Variants in CEBPZOS observed in about 807,000 individuals in gnomAD.
CEBPZOS encodes protein CEBPZOS.
A neutral mutation model predicts 4.8 loss-of-function variants in CEBPZOS; 10 were observed. The observed-to-expected ratio is 2.07, with a 90% CI of 1.28 to 3.52. The LOEUF is 3.52. Among genes scored for constraint, CEBPZOS ranks in the 30% most tolerant of loss-of-function variants. The probability of loss-of-function intolerance (pLI) is 0.00; values close to 1 mark genes in which losing one functional copy is unlikely to be tolerated. For synonymous variants in CEBPZOS, 25 were observed against 14.2 expected, an observed-to-expected ratio of 1.77 and a Z score of -1.72; for missense variants, 98 against 43.6, an observed-to-expected ratio of 2.25 and a Z score of -3.51.
At position 37,203,326 on chromosome 2, in the gene CEBPZOS, A is replaced by G. The variant is rs1239879010; in HGVS notation, c.*1466A>G. On this transcript the variant is annotated 3_prime_UTR_variant, in exon 5 of 5. Transcript: ENST00000402297. Reference sequence around the variant, plus strand: ...GCAATAGTAAAATTATCAGTTTGACATGGATGGGTTTTGAAATACTTAAGA... The same window carrying G: ...GCAATAGTAAAATTATCAGTTTGACGTGGATGGGTTTTGAAATACTTAAGA... The G allele has an allele frequency of 5.6e-6, 1 of 177,220 alleles. No individual in the cohort carries two copies. The highest frequency in any genetic ancestry group is 2.4e-5 in the African/African-American group (1 of 42,518). The allele number at this position is 177,220 out of a possible 1,614,324, so 11.0% of individuals were successfully genotyped here.
At chr2:37,211,528 A>C (rs1458468957) in intron 4 of CEBPZOS, 1 of 283,720 alleles carries the variant, frequency 3.5e-6, no homozygotes, top group Non-Finnish European at 6.5e-6. Flanking sequence ...ATGAATACTG[A>C]TTAACTTTTA....
In CEBPZOS at chr2:37,202,758, T is replaced by C. The variant is rs767898148; in HGVS notation, c.*898T>C. 1 of 1,339,890 alleles carries C rather than the reference T, an allele frequency of 7.5e-7. No individual in the cohort carries two copies. The allele number at this position is 1,339,890 out of a possible 1,614,324, so 83.0% of individuals were successfully genotyped here. ...CCAAGCCAAAGCTATTTTTAAAACA[T>C]CAATAAAAAAATTTAAGTTACTTAC... On this transcript the variant is annotated 3_prime_UTR_variant, in exon 5 of 5. Coordinates refer to ENST00000402297, the MANE Select transcript of CEBPZOS (RefSeq NM_001322374.2).
chr2:37,212,062 A>G lies in CEBPZOS; in HGVS notation c.*3-1375A>G, dbSNP rs769440108. 2.6e-6 allele frequency: 4 copies of G among 1,558,434 alleles called. No individual in the cohort carries two copies. The South Asian group carries it at 5.0e-5, about 19-fold the overall frequency. ...TTTCTGGAAAAAAACACAACTTGTA[A>G]TACAAGAGGAGGCAGTATTTTCTAA... On this transcript the variant is annotated intron_variant, in intron 4 of 4. Transcript: ENST00000397064.
intron 3 of CEBPZOS, chr2:37,201,428 G>A (rs1677224535): frequency 1.9e-6 from 1 of 526,484 alleles, no homozygotes; most frequent in Non-Finnish European, 3.4e-6. Flanking sequence ...AGTAGATAAA[G>A]ACTGAACAAG....
Position 37,202,989 on chromosome 2 carries a change from T to A in CEBPZOS, c.*1129T>A. 6.4e-7 allele frequency: 1 copy of A among 1,553,526 alleles called. No individual in the cohort carries two copies. The highest frequency in any genetic ancestry group is 8.7e-7 in the Non-Finnish European group (1 of 1,153,658). ...CAAATAGGCTGGAATCATTTAAGTT[T>A]CTTTTCTTTTTTCTTGGCCCTAAAA... On this transcript the variant is annotated 3_prime_UTR_variant, in exon 5 of 5. Transcript: ENST00000402297.
chr2:37,212,507 C>T (rs1677754992), intron 4 of CEBPZOS: 2 of 848,650 alleles, frequency 2.4e-6, no homozygotes, highest in Non-Finnish European at 1.9e-6. Flanking sequence ...CAAGTGAACA[C>T]CAAAACAATG....
chr2:37,201,775 G>C (rs866594498), intron 4 of CEBPZOS, 49 bp downstream of exon 4: 1 of 1,420,574 alleles, frequency 7.0e-7, no homozygotes, highest in Non-Finnish European at 9.9e-7. Context: ...CATTTCCTTT[G>C]TTTTTTAGTT....
chr2:37,197,337 G>T (rs1455636584), intron 1 of CEBPZOS: 1 of 152,228 alleles, frequency 6.6e-6, no homozygotes, highest in Non-Finnish European at 1.5e-5. Flanking sequence ...AAACGTATAT[G>T]TATTTTTAAA....
At chr2:37,205,292 C>T (rs547984536), downstream of CEBPZOS, among the ~76,000 whole-genome samples, 1 of 152,140 alleles carries the variant, frequency 6.6e-6, no homozygotes, top group Non-Finnish European at 1.5e-5. Flanking sequence ...TCCAGATGGT[C>T]GGTTCCTGCC....
downstream of CEBPZOS, chr2:37,216,128 G>C (rs1283581741): frequency 6.3e-7 from 1 of 1,594,718 alleles, no homozygotes; most frequent in Non-Finnish European, 8.6e-7. Context: ...ACTGTCTAAG[G>C]TTTATACTTA....
At chr2:37,211,996 CT>C in intron 4 of CEBPZOS, 2 of 1,610,692 alleles carry the variant, frequency 1.2e-6, no homozygotes, top group Non-Finnish European at 1.7e-6. Flanking sequence ...GAATCTTCAT[CT>C]AATGTGTTAT....
downstream of CEBPZOS, among the ~76,000 whole-genome samples, chr2:37,206,492 G>C (rs1282437229): frequency 2.0e-5 from 3 of 152,166 alleles, no homozygotes; most frequent in Non-Finnish European, 4.4e-5. Flanking sequence ...TCAGTAGCTG[G>C]GATTATAGGG....
chr2:37,207,659 A>C (rs1194208188), downstream of CEBPZOS, among the ~76,000 whole-genome samples: 2 of 152,194 alleles, frequency 1.3e-5, no homozygotes, highest in South Asian at 4.1e-4. Flanking sequence ...GCGGCACTAC[A>C]TTTAGTAAGT....
At chr2:37,201,448 T>G in intron 3 of CEBPZOS, 194 bp from the exon 4 acceptor site, 2 of 545,750 alleles carry the variant, frequency 3.7e-6, no homozygotes, top group Non-Finnish European at 6.5e-6. Context: ...GATGACATCA[T>G]GTAGTTAGAC....
At chr2:37,211,250 G>T (rs1677711827) in intron 4 of CEBPZOS, 1 of 442,982 alleles carries the variant, frequency 2.3e-6, no homozygotes, top group East Asian at 3.4e-5. Context: ...CTGAGAAAAA[G>T]ACTCTAAGAA....
rs2148332391 is a variant in CEBPZOS at position 37,203,130 on chromosome 2, G to A, written c.*1270G>A. ...GTAAAAACAATTGCAATAATCTTCTGGCACCATTGGGTAGCTGGCATTTAA... is the reference window on the plus strand; with the variant it reads ...GTAAAAACAATTGCAATAATCTTCTAGCACCATTGGGTAGCTGGCATTTAA... On this transcript the variant is annotated 3_prime_UTR_variant, in exon 5 of 5. Coordinates refer to ENST00000402297, the MANE Select transcript of CEBPZOS (RefSeq NM_001322374.2). 1 of 584,838 alleles carries A rather than the reference G, an allele frequency of 1.7e-6. No homozygotes were observed. Among genetic ancestry groups the A allele is most frequent in the Non-Finnish European group, 2.9e-6 (1 of 348,074 alleles). 36.2% of individuals were successfully genotyped at this position (584,838 alleles called of 1,614,324 possible). A position where few individuals can be genotyped will look rare whatever the true frequency, so the allele number is the denominator to read the frequency against.
chr2:37,211,730 A>G (rs967430348), intron 4 of CEBPZOS: 5 of 715,826 alleles, frequency 7.0e-6, no homozygotes, highest in African/African-American at 1.8e-5. Context: ...TCTGGCTGAC[A>G]TGAGTATTAA....
At chr2:37,200,473 C>G (rs2148323041) in intron 2 of CEBPZOS, among the ~76,000 whole-genome samples, 1 of 152,154 alleles carries the variant, frequency 6.6e-6, no homozygotes, top group Admixed American at 6.5e-5. Context: ...CTTTTAAACT[C>G]TAAGGAAGGG....
downstream of CEBPZOS, chr2:37,209,469 G>C (rs1303857017): frequency 6.6e-6 from 1 of 152,164 alleles, no homozygotes; most frequent in African/African-American, 2.4e-5. Context: ...GAACAGAATA[G>C]AGAACCCAGA....
Sources: allele counts gnomAD v4.1 joint callset (sites outside exome capture counted in the v4.1 genomes callset), GRCh38; gene constraint gnomAD v4.1.1; transcripts MANE v1.5; gene names NCBI Gene and HGNC (gene_info 2026-07-23, HGNC 2026-07-21).